KCNK10: variants seen among roughly 807,000 people sequenced by gnomAD.
The protein encoded by KCNK10 is potassium channel subfamily K member 10.
KCNK10 carries 25 observed loss-of-function variants against 47.7 expected under a neutral mutation model. The ratio of observed to expected loss-of-function variants is 0.52; its 90% CI spans 0.38 to 0.73. The LOEUF (loss-of-function observed/expected upper bound fraction) is 0.73. KCNK10 is among the 30% of genes least tolerant of loss of function. The probability of loss-of-function intolerance (pLI) is 0.00; values close to 1 mark genes in which losing one functional copy is unlikely to be tolerated. For missense variants in KCNK10, 563 were observed against 714.5 expected, an observed-to-expected ratio of 0.79 and a Z score of 2.42; for synonymous variants, 303 against 285.6, an observed-to-expected ratio of 1.06 and a Z score of -0.61.
chr14:88,270,871 G>C, intron 1 of KCNK10: 2 of 778,446 alleles, frequency 2.6e-6, no homozygotes, highest in South Asian at 2.7e-5. Context: ...CTCTGAAGGC[G>C]CCACCAACAT....
intron 3 of KCNK10, 99 bp downstream of exon 3, chr14:88,240,604 C>A: frequency 1.3e-6 from 1 of 754,850 alleles, no homozygotes; most frequent in Non-Finnish European, 2.3e-6. Flanking sequence ...CTCCTCTGAA[C>A]CTCAAACTAT....
intron 4 of KCNK10, among the ~76,000 whole-genome samples, chr14:88,207,949 C>A (rs972296962): frequency 1.1e-4 from 16 of 152,216 alleles, no homozygotes; most frequent in Non-Finnish European, 2.4e-4. Context: ...TTGTTTGAAA[C>A]ACCATAAATA....
At position 88,185,962 on chromosome 14, in the gene KCNK10, C is replaced by A. The variant is rs758531762; in HGVS notation, c.1205G>T (p.Arg402Leu). The change falls in exon 7 of 7, where the codon CGC (arginine) becomes CTC (leucine). Residue 402 changes from arginine (R) to leucine (L), a missense_variant. Coordinates refer to ENST00000319231, the MANE Select transcript of KCNK10 (RefSeq NM_138317.3). This position sits in a 1 kb window ranked among gnomAD's most constrained non-coding sequence, Gnocchi z 4.3. ...GGTGTCCAGGGCAGCAAAGACAGAGCGCTTCTCGGGGGACAGCATGTCCAG... is the reference window on the plus strand; with the variant it reads ...GGTGTCCAGGGCAGCAAAGACAGAGAGCTTCTCGGGGGACAGCATGTCCAG... ...HSLDMLSPEK[R>L]SVFAALDTGR... The A allele has an allele frequency of 1.4e-5, 23 of 1,613,508 alleles. No individual in the cohort carries two copies. Among genetic ancestry groups the A allele is most frequent in the Non-Finnish European group, 1.9e-5 (23 of 1,180,008 alleles).
At chr14:88,307,464 T>C (rs1040759773) in intron 1 of KCNK10, among the ~76,000 whole-genome samples, 1 of 151,914 alleles carries the variant, frequency 6.6e-6, no homozygotes, top group South Asian at 2.1e-4. Flanking sequence ...AGAGATAAAA[T>C]GGGGAGTGAC....
chr14:88,230,400 C>T (rs1014588803), intron 3 of KCNK10, among the ~76,000 whole-genome samples: 1 of 152,176 alleles, frequency 6.6e-6, no homozygotes, highest in South Asian at 2.1e-4. Flanking sequence ...AGGATGAGCT[C>T]AGATCTGTTC....
intron 5 of KCNK10, among the ~76,000 whole-genome samples, chr14:88,188,374 G>A (rs1884641165): frequency 6.6e-6 from 1 of 152,134 alleles, no homozygotes; most frequent in South Asian, 2.1e-4. Context: ...TGGCCAACTT[G>A]ACCTACTAAT....
intron 3 of KCNK10, among the ~76,000 whole-genome samples, chr14:88,236,057 T>C (rs1357300709): frequency 1.3e-5 from 2 of 152,306 alleles, no homozygotes; most frequent in South Asian, 2.1e-4. Context: ...GGCTCACACA[T>C]GTAATCCTAG....
chr14:88,319,573 T>C (rs936374319), intron 1 of KCNK10, among the ~76,000 whole-genome samples: 1 of 152,252 alleles, frequency 6.6e-6, no homozygotes, highest in African/African-American at 2.4e-5. Context: ...ATTGTCTGAA[T>C]AGGTTAGTAG....
chr14:88,232,853 T>C (rs912533840), intron 3 of KCNK10, among the ~76,000 whole-genome samples: 4 of 152,194 alleles, frequency 2.6e-5, no homozygotes, highest in African/African-American at 4.8e-5. Context: ...CTGTGCATAA[T>C]TGGTATGACA....
chr14:88,288,111 T>C (rs1595123618), intron 1 of KCNK10, among the ~76,000 whole-genome samples: 1 of 152,188 alleles, frequency 6.6e-6, no homozygotes, highest in African/African-American at 2.4e-5. Flanking sequence ...GAGCATTTTT[T>C]CATATGTTTG....
At chr14:88,222,434 A>G (rs1005014648) in intron 4 of KCNK10, among the ~76,000 whole-genome samples, 2 of 152,196 alleles carry the variant, frequency 1.3e-5, no homozygotes, top group Non-Finnish European at 2.9e-5. Context: ...GATTTTTAGG[A>G]GAGTGAAATA....
chr14:88,258,522 A>G (rs1007778267), intron 2 of KCNK10, among the ~76,000 whole-genome samples: 4 of 152,136 alleles, frequency 2.6e-5, no homozygotes, highest in Admixed American at 6.5e-5. Context: ...AACTCCTGAC[A>G]TCGTGATCCG....
chr14:88,254,305 G>A (rs138694689), intron 2 of KCNK10, among the ~76,000 whole-genome samples: 29 of 152,194 alleles, frequency 1.9e-4, no homozygotes, highest in African/African-American at 5.5e-4. Context: ...GACCCCTGTC[G>A]TTTGCTTTAT....
chr14:88,224,713 A>T (rs971018115), intron 4 of KCNK10, among the ~76,000 whole-genome samples: 1 of 152,194 alleles, frequency 6.6e-6, no homozygotes, highest in Non-Finnish European at 1.5e-5. Context: ...GGGTTCAAGC[A>T]ATTCTAATGC....
chr14:88,233,005 C>T (rs61976989), intron 3 of KCNK10, among the ~76,000 whole-genome samples: 5,648 of 152,248 alleles, frequency 0.037, 143 homozygotes, highest in Middle Eastern at 0.055. Flanking sequence ...GCTGCAGCAG[C>T]CAGCAGGCTC....
intron 1 of KCNK10, among the ~76,000 whole-genome samples, chr14:88,304,075 G>T (rs1888160455): frequency 1.3e-5 from 2 of 152,136 alleles, no homozygotes; most frequent in African/African-American, 4.8e-5. Context: ...ATTGTACTTT[G>T]GGAGAGTGAG....
intron 4 of KCNK10, among the ~76,000 whole-genome samples, chr14:88,204,961 C>T (rs1885220017): frequency 2.0e-5 from 3 of 152,182 alleles, no homozygotes; most frequent in East Asian, 1.9e-4. Context: ...TTTGGACAAA[C>T]GTCTGATGAC....
At position 88,260,546 on chromosome 14, in the gene KCNK10, G is replaced by A. The variant is rs1041981462; in HGVS notation, c.402+2656C>T. Among the ~76,000 whole-genome samples the A allele has an allele frequency of 2.6e-5, 4 of 152,138 alleles. No homozygotes were observed. Among genetic ancestry groups the A allele is most frequent in the African/African-American group, 9.7e-5 (4 of 41,428 alleles). On this transcript the variant is annotated intron_variant, in intron 2 of 6. Transcript: ENST00000319231. The surrounding 1 kb of genome is among the most constrained non-coding windows in gnomAD (Gnocchi z 4.5). ...TTATAAACCAAGATCTACTTAAAGG[G>A]CCTGTAGACTATTTGGATGAGAGAG... is the stretch of plus-strand genomic sequence containing the variant.
chr14:88,298,107 C>G (rs1259732312), intron 1 of KCNK10, among the ~76,000 whole-genome samples: 2 of 152,040 alleles, frequency 1.3e-5, no homozygotes, highest in Non-Finnish European at 2.9e-5. Context: ...ATGTAAGTAT[C>G]CCAAAATATA....
Sources: gnomAD v4.1 joint callset for allele counts (sites outside exome capture counted in the v4.1 genomes callset) on GRCh38, gnomAD v4.1.1 for gene constraint, Gnocchi (gnomAD v3.1) non-coding constraint, MANE v1.5 for transcripts, NCBI Gene and HGNC (gene_info 2026-07-23, HGNC 2026-07-21) for gene names.